GALNT5: variants seen among roughly 807,000 people sequenced by gnomAD.
GALNT5 encodes UDP-GalNAc:polypeptide N-acetylgalactosaminyltransferase 5.
In GALNT5, 72 loss-of-function variants were observed where a neutral mutation model predicts 85.4. That is an observed-to-expected ratio of 0.84 (90% confidence interval 0.70 to 1.03). GALNT5 has a LOEUF of 1.03. Ranked by LOEUF, GALNT5 falls within the 50% of genes least tolerant of loss-of-function variation. The pLI is 0.00. For missense variants in GALNT5, 1,137 were observed against 1,135.5 expected (o/e 1.00, Z -0.02); for synonymous variants, 404 against 397.0 (o/e 1.02, Z -0.21).
chr2:157,286,259 A>C, intron 3 of GALNT5, 125 bp downstream of exon 3: 1 of 712,836 alleles, frequency 1.4e-6, no homozygotes, highest in Non-Finnish European at 2.4e-6. Context: ...AGTTCCATCA[A>C]TTTTAAACAG....
chr2:157,260,540 T>A (rs1316853950), intron 1 of GALNT5, among the ~76,000 whole-genome samples: 1 of 152,234 alleles, frequency 6.6e-6, no homozygotes, highest in East Asian at 1.9e-4. Flanking sequence ...ATGTTCAATA[T>A]CTGTTAACTC....
rs115621451 is a variant in GALNT5, at chr2:157,297,534, T to C, written c.1997+1021T>C. 8.3e-3 allele frequency among the ~76,000 whole-genome samples: 1,270 copies of C among 152,346 alleles called. 26 individuals are homozygous for C. The highest frequency in any genetic ancestry group is 0.03 in the African/African-American group (1,233 of 41,576). ...GGATTTAACACTCTTATTCTGAACCTACACCTAAAGAACCTCTGCTCTTTC... is the reference window on the plus strand; with the variant it reads ...GGATTTAACACTCTTATTCTGAACCCACACCTAAAGAACCTCTGCTCTTTC... On this transcript the variant is annotated intron_variant, in intron 5 of 9. Coordinates refer to ENST00000259056, the MANE Select transcript of GALNT5 (RefSeq NM_014568.3).
chr2:157,279,216 G>A (rs184806364), intron 1 of GALNT5, among the ~76,000 whole-genome samples: 96 of 152,204 alleles, frequency 6.3e-4, no homozygotes, highest in African/African-American at 1.9e-3. Flanking sequence ...AGGGGCACCC[G>A]CCTATATGAG....
At chr2:157,308,393 C>T (rs530252891) in intron 8 of GALNT5, among the ~76,000 whole-genome samples, 174 bp from the exon 9 acceptor site, 1 of 152,312 alleles carries the variant, frequency 6.6e-6, no homozygotes, top group East Asian at 1.9e-4. Context: ...TAAGATTAGA[C>T]AGGGTAAATA....
chr2:157,275,705 T>C (rs1682708919), intron 1 of GALNT5, among the ~76,000 whole-genome samples: 1 of 152,250 alleles, frequency 6.6e-6, no homozygotes, highest in Non-Finnish European at 1.5e-5. Context: ...AATTTGCTGG[T>C]CAGCTTAAGG....
chr2:157,294,784 CCACACACACACACACACACACA>C (rs60607353), intron 3 of GALNT5, among the ~76,000 whole-genome samples: 2 of 147,028 alleles, frequency 1.4e-5, no homozygotes, highest in East Asian at 4.0e-4. Context: ...TCACATCACA[CCACACACACACACACACACACA>C]CACACACACA....
At chr2:157,302,111 TTTTTG>T (rs1355673919) in intron 7 of GALNT5, 1 of 152,214 alleles carries the variant, frequency 6.6e-6, no homozygotes, top group Non-Finnish European at 1.5e-5. Flanking sequence ...AACCCCAGTG[TTTTTG>T]TTTTATTTCA....
chr2:157,288,600 T>C (rs1196410474), intron 3 of GALNT5, among the ~76,000 whole-genome samples: 2 of 152,004 alleles, frequency 1.3e-5, no homozygotes, highest in African/African-American at 4.8e-5. Flanking sequence ...AAGATTCATT[T>C]GGGGAGAAAG....
At chr2:157,284,234 T>C in intron 1 of GALNT5, 48 bp from the exon 2 acceptor site, 2 of 1,538,762 alleles carry the variant, frequency 1.3e-6, no homozygotes, top group Non-Finnish European at 1.8e-6. Context: ...AACTATCTTG[T>C]GGATCTCCTT....
intron 1 of GALNT5, among the ~76,000 whole-genome samples, chr2:157,277,940 G>T (rs1165194132): frequency 6.6e-6 from 1 of 152,194 alleles, no homozygotes; most frequent in African/African-American, 2.4e-5. Flanking sequence ...AATTTGGTCT[G>T]TTTTTGCAGT....
chr2:157,261,810 A>T (rs1049791211), intron 1 of GALNT5, among the ~76,000 whole-genome samples: 1 of 152,096 alleles, frequency 6.6e-6, no homozygotes, highest in Non-Finnish European at 1.5e-5. Context: ...CAAGATTTGG[A>T]GTGTTTTTTG....
chr2:157,301,548 A>C (rs1171761231), intron 7 of GALNT5: 1 of 156,022 alleles, frequency 6.4e-6, no homozygotes, highest in Non-Finnish European at 1.4e-5. Context: ...AGTGTTCTCC[A>C]TCCAAGCACT....
chr2:157,291,543 TC>T (rs1427249810), intron 3 of GALNT5, among the ~76,000 whole-genome samples: 4 of 152,034 alleles, frequency 2.6e-5, no homozygotes, highest in African/African-American at 9.7e-5. Context: ...GCAGCAATAT[TC>T]CAGGCTGGTA....
chr2:157,297,193 C>T (rs1273334423), intron 5 of GALNT5, among the ~76,000 whole-genome samples: 1 of 152,124 alleles, frequency 6.6e-6, no homozygotes, highest in Non-Finnish European at 1.5e-5. Context: ...ACAAGTAAGC[C>T]AGCCCCAACA....
rs943316680 is a variant in GALNT5, at chr2:157,312,772, C to T, written c.*1424C>T. On this transcript the variant is annotated 3_prime_UTR_variant, in exon 10 of 10. Transcript: ENST00000259056. Reference sequence around the variant, plus strand: ...ATTCTAATGCCTCAGGTCACTGGCCCGAACAAATCTGCTTCACAGAATTCC... The same window carrying T: ...ATTCTAATGCCTCAGGTCACTGGCCTGAACAAATCTGCTTCACAGAATTCC... 2.6e-5 allele frequency: 4 copies of T among 152,072 alleles called. No individual in the cohort carries two copies. The highest frequency in any genetic ancestry group is 6.6e-5 in the Admixed American group (1 of 15,250). 9.4% of individuals were successfully genotyped at this position (152,072 alleles called of 1,614,324 possible). A position where few individuals can be genotyped will look rare whatever the true frequency, so the allele number is the denominator to read the frequency against.
In GALNT5 at chr2:157,286,002, T is replaced by C; in HGVS notation, c.1622-13T>C. 6.3e-7 allele frequency: 1 copy of C among 1,590,480 alleles called. No homozygotes were observed. The highest frequency in any genetic ancestry group is 8.6e-7 in the Non-Finnish European group (1 of 1,159,508). On this transcript the variant is annotated splice_polypyrimidine_tract_variant and intron_variant, in intron 2 of 9. Transcript: ENST00000259056. ...ATTCAAGTATTTCCTGGTTTATCTT[T>C]ACTCTGATGTAGACTATCTAAAAGA...
intron 7 of GALNT5, among the ~76,000 whole-genome samples, chr2:157,302,753 T>C (rs2105164988): frequency 6.6e-6 from 1 of 152,284 alleles, no homozygotes; most frequent in South Asian, 2.1e-4. Flanking sequence ...TCTGGAGAGC[T>C]CTCCTAATGA....
intron 9 of GALNT5, among the ~76,000 whole-genome samples, chr2:157,309,828 G>A (rs1454817278): frequency 6.6e-6 from 1 of 152,030 alleles, no homozygotes; most frequent in African/African-American, 2.4e-5. Flanking sequence ...AGTAATAATG[G>A]TTATTATTGA....
intron 5 of GALNT5, among the ~76,000 whole-genome samples, 176 bp downstream of exon 5, chr2:157,296,689 A>G (rs1455255342): frequency 6.6e-6 from 1 of 152,204 alleles, no homozygotes; most frequent in African/African-American, 2.4e-5. Context: ...CCCAAAACTC[A>G]TTCTTCACTG....
Sources: gnomAD v4.1 joint callset for allele counts (sites outside exome capture counted in the v4.1 genomes callset) on GRCh38, gnomAD v4.1.1 for gene constraint, MANE v1.5 for transcripts, NCBI Gene and HGNC (gene_info 2026-07-23, HGNC 2026-07-21) for gene names.